The following MICAL2 variants were observed in gnomAD, a reference collection of about 807,000 sequenced individuals.
The protein encoded by MICAL2 is microtubule associated monooxygenase, calponin and LIM domain containing 2, also known as [F-actin]-monooxygenase MICAL2.
Under a neutral mutation model 127.3 loss-of-function variants are expected in MICAL2, and 77 were observed. That is an observed-to-expected ratio of 0.60 (90% confidence interval 0.50 to 0.73). MICAL2 has a LOEUF of 0.73. Ranked by LOEUF, MICAL2 falls within the 30% of genes least tolerant of loss-of-function variation. The pLI is 0.00. For synonymous variants in MICAL2, 570 were observed against 551.1 expected (o/e 1.03, Z -0.48); for missense variants, 1,351 against 1,434.4 (o/e 0.94, Z 0.94).
chr11:12,331,580 C>A (rs777210164), intron 32 of MICAL2, among the ~76,000 whole-genome samples: 1 of 152,140 alleles, frequency 6.6e-6, no homozygotes, highest in African/African-American at 2.4e-5. Context: ...CTGCTGAGGA[C>A]CCGAGGAATA....
In MICAL2 at chr11:12,162,263, A is replaced by C. The variant is rs138337559; in HGVS notation, c.108A>C (p.Thr36=). 6.2e-7 allele frequency: 1 copy of C among 1,614,264 alleles called. No individual in the cohort carries two copies. Among genetic ancestry groups the C allele is most frequent in the Non-Finnish European group, 8.5e-7 (1 of 1,180,046 alleles). ...KGTLQAFNIL[T]RHLDLDPLDH... Reference sequence around the variant, plus strand: ...CCCTCCAGGCCTTCAACATTCTCACACGACACCTGGACCTAGACCCTCTGG... The same window carrying C: ...CCCTCCAGGCCTTCAACATTCTCACCCGACACCTGGACCTAGACCCTCTGG... Residue 36 remains threonine (T), a synonymous_variant, in exon 3 of 28, where the codon ACA becomes ACC. Transcript: ENST00000683283.
chr11:12,323,480 G>GTC (rs565233930), intron 30 of MICAL2, among the ~76,000 whole-genome samples: 235 of 151,740 alleles, frequency 1.5e-3, no homozygotes, highest in African/African-American at 5.0e-3. Context: ...TTGCCTACCC[G>GTC]TCTCTCTCTC....
chr11:12,143,810 A>G (rs985633513), intron 2 of MICAL2, among the ~76,000 whole-genome samples: 1 of 152,200 alleles, frequency 6.6e-6, no homozygotes, highest in Non-Finnish European at 1.5e-5. Flanking sequence ...AACAAAAAAT[A>G]TAGTTGTTTT....
chr11:12,117,507 G>A (rs1850136265), intron 1 of MICAL2, among the ~76,000 whole-genome samples: 1 of 152,230 alleles, frequency 6.6e-6, no homozygotes, highest in African/African-American at 2.4e-5. Flanking sequence ...TGACTTATCT[G>A]GTGAAGCTTT....
chr11:12,175,607 G>A (rs1856755999), intron 3 of MICAL2, among the ~76,000 whole-genome samples: 1 of 151,844 alleles, frequency 6.6e-6, no homozygotes, highest in Non-Finnish European at 1.5e-5. Context: ...GTGTGTGTAT[G>A]TCAGGTGTGT....
intron 29 of MICAL2, among the ~76,000 whole-genome samples, chr11:12,319,355 A>T (rs542515534): frequency 6.6e-6 from 1 of 151,566 alleles, no homozygotes; most frequent in Non-Finnish European, 1.5e-5. Context: ...CATTTTAATA[A>T]TAGATTTTAT....
At chr11:12,354,402 G>A (rs1328714478) in intron 33 of MICAL2, among the ~76,000 whole-genome samples, 1 of 152,098 alleles carries the variant, frequency 6.6e-6, no homozygotes, top group Non-Finnish European at 1.5e-5. Context: ...AACCTGGGAG[G>A]TGGAGGTTGC....
chr11:12,323,820 T>C (rs1864326419), intron 30 of MICAL2, among the ~76,000 whole-genome samples: 1 of 152,250 alleles, frequency 6.6e-6, no homozygotes, highest in Admixed American at 6.5e-5. Flanking sequence ...ATAGGTTATT[T>C]CTATCATTGC....
chr11:12,188,706 T>C (rs566220064), intron 3 of MICAL2, among the ~76,000 whole-genome samples: 27 of 152,310 alleles, frequency 1.8e-4, no homozygotes, highest in African/African-American at 5.8e-4. Context: ...GTCAGATACC[T>C]GTGACCCTGG....
At position 12,118,702 on chromosome 11, in the gene MICAL2, A is replaced by C. The variant is rs1177272629; in HGVS notation, c.-149+7976A>C. Among the ~76,000 whole-genome samples the C allele has an allele frequency of 6.6e-5, 10 of 152,272 alleles. No individual in the cohort carries two copies. The South Asian group carries it at 2.1e-3, about 32-fold the overall frequency. Reference sequence around the variant, plus strand: ...AGCACTAAGACAGACCTGGGCTCAAATCCGAGCCCTGTGGCCTTGGGCGAG... The same window carrying C: ...AGCACTAAGACAGACCTGGGCTCAACTCCGAGCCCTGTGGCCTTGGGCGAG... On this transcript the variant is annotated intron_variant, in intron 1 of 27. Transcript: ENST00000683283.
chr11:12,117,265 A>T (rs1000527262), intron 1 of MICAL2, among the ~76,000 whole-genome samples: 1 of 152,176 alleles, frequency 6.6e-6, no homozygotes, highest in African/African-American at 2.4e-5. Context: ...AAGGGGTTGG[A>T]CGGTGGTCCC....
intron 1 of MICAL2, among the ~76,000 whole-genome samples, chr11:12,114,367 C>A (rs966660769): frequency 1.3e-5 from 2 of 152,252 alleles, no homozygotes; most frequent in South Asian, 4.1e-4. Flanking sequence ...ACCTGTCCAC[C>A]TGCAGATATC....
intron 3 of MICAL2, among the ~76,000 whole-genome samples, chr11:12,193,250 T>C (rs1859443813): frequency 6.6e-6 from 1 of 152,206 alleles, no homozygotes; most frequent in Non-Finnish European, 1.5e-5. Flanking sequence ...GCTGTGGACA[T>C]AGCAGCCGGT....
intron 33 of MICAL2, among the ~76,000 whole-genome samples, chr11:12,352,980 C>T (rs190089525): frequency 1.3e-5 from 2 of 152,324 alleles, no homozygotes; most frequent in East Asian, 3.9e-4. Flanking sequence ...GTGGATTTTG[C>T]AGCAGCAGTG....
At chr11:12,188,521 A>T (rs144533930) in intron 3 of MICAL2, among the ~76,000 whole-genome samples, 1 of 152,162 alleles carries the variant, frequency 6.6e-6, no homozygotes, top group Admixed American at 6.5e-5. Flanking sequence ...GCACAGGATA[A>T]CACCCTACAA....
intron 29 of MICAL2, among the ~76,000 whole-genome samples, chr11:12,312,538 C>A (rs1041617444): frequency 6.6e-6 from 1 of 151,942 alleles, no homozygotes; most frequent in Non-Finnish European, 1.5e-5. Context: ...AGAAAACTTC[C>A]CCCTCACCCT....
chr11:12,281,355 G>T (rs976242815), intron 2 of MICAL2, among the ~76,000 whole-genome samples: 1 of 152,188 alleles, frequency 6.6e-6, no homozygotes, highest in Non-Finnish European at 1.5e-5. Flanking sequence ...GCTGTGGTTG[G>T]TCACAGGCTG....
intron 3 of MICAL2, among the ~76,000 whole-genome samples, chr11:12,185,227 GGATGGGTGGGTAAGTA>G (rs1412945679): frequency 5.3e-5 from 8 of 150,756 alleles, no homozygotes; most frequent in Non-Finnish European, 1.0e-4. Context: ...ATGGATGGTT[GGATGGGTGGGTAAGTA>G]GATGGGTGGA....
rs773613920 is a variant in MICAL2 at position 12,242,438 on chromosome 11, A to T, written c.2556+6A>T. 2.5e-6 allele frequency: 4 copies of T among 1,595,356 alleles called. No individual in the cohort carries two copies. Among genetic ancestry groups the T allele is most frequent in the Non-Finnish European group, 2.6e-6 (3 of 1,168,964 alleles). ...TGGAGGAAAAGATTCTCCAGGTGAG[A>T]GACTCACTTTTTGCCCGTCTCTGTC... On this transcript the variant is annotated splice_donor_region_variant and intron_variant, in intron 19 of 27. Coordinates refer to ENST00000683283, the MANE Select transcript of MICAL2 (RefSeq NM_001282663.2).
Sources: gnomAD v4.1 joint callset for allele counts (sites outside exome capture counted in the v4.1 genomes callset) on GRCh38, gnomAD v4.1.1 for gene constraint, MANE v1.5 for transcripts, NCBI Gene and HGNC (gene_info 2026-07-23, HGNC 2026-07-21) for gene names.